The following PAWR variants were observed in gnomAD, a reference collection of about 807,000 sequenced individuals.
PAWR encodes the protein PRKC apoptosis WT1 regulator protein.
Under a neutral mutation model 32.0 loss-of-function variants are expected in PAWR, and 23 were observed. The ratio of observed to expected loss-of-function variants is 0.72; its 90% CI spans 0.52 to 1.02. The LOEUF (loss-of-function observed/expected upper bound fraction) is 1.02. Ranked by LOEUF, PAWR falls within the 50% of genes least tolerant of loss-of-function variation. The pLI, the probability that PAWR is intolerant of heterozygous loss-of-function variation, is 0.00. For synonymous variants in PAWR, 226 were observed against 187.1 expected (o/e 1.21, Z -1.70); for missense variants, 457 against 437.7 (o/e 1.04, Z -0.39).
At chr12:79,626,557 C>T (rs1055210148) in intron 2 of PAWR, among the ~76,000 whole-genome samples, 8 of 151,352 alleles carry the variant, frequency 5.3e-5, no homozygotes, top group African/African-American at 1.2e-4. Context: ...CACGCCCCGC[C>T]GAAATGACAA....
At position 79,586,239 on chromosome 12, in the gene PAWR, A is replaced by C. The variant is rs892678159; in HGVS notation, c.*6368T>G. 4 of 152,612 alleles carry C rather than the reference A, an allele frequency of 2.6e-5. No individual in the cohort carries two copies. The highest frequency in any genetic ancestry group is 9.6e-5 in the African/African-American group (4 of 41,454). 9.5% of individuals were successfully genotyped at this position (152,612 alleles called of 1,614,324 possible). On this transcript the variant is annotated 3_prime_UTR_variant, in exon 7 of 7. Coordinates refer to ENST00000328827, the MANE Select transcript of PAWR (RefSeq NM_002583.4). ...AATGTTTAATGTGTTATGGAAGGCT[A>C]ACAGTTTTTCAACTTTTCTCAATAC...
intron 2 of PAWR, among the ~76,000 whole-genome samples, chr12:79,645,844 G>C (rs1168044512): frequency 1.3e-5 from 2 of 152,186 alleles, no homozygotes; most frequent in Non-Finnish European, 2.9e-5. Flanking sequence ...ACGGTGATTT[G>C]ATTATAGCAA....
At chr12:79,630,291 T>G (rs941160639) in intron 2 of PAWR, among the ~76,000 whole-genome samples, 2 of 143,858 alleles carry the variant, frequency 1.4e-5, no homozygotes, top group African/African-American at 5.9e-5. Flanking sequence ...TGAAAAACTT[T>G]GTGCCACTAA....
At chr12:79,675,384 TATAAAA>T (rs1435225381) in intron 2 of PAWR, among the ~76,000 whole-genome samples, 2 of 152,042 alleles carry the variant, frequency 1.3e-5, no homozygotes, top group East Asian at 3.9e-4. Flanking sequence ...GTCTCTCAAA[TATAAAA>T]ATAAAAATAA....
chr12:79,592,738 G>T, intron 6 of PAWR, 45 bp from the exon 7 acceptor site: 1 of 687,178 alleles, frequency 1.5e-6, no homozygotes, highest in South Asian at 1.6e-5. Context: ...AAAAATATTT[G>T]AGGAGAGATG....
chr12:79,621,537 A>G (rs1875015632), intron 2 of PAWR, among the ~76,000 whole-genome samples: 1 of 152,170 alleles, frequency 6.6e-6, no homozygotes, highest in African/African-American at 2.4e-5. Context: ...GGCATTCTGC[A>G]GAAGGTAACA....
At chr12:79,639,121 C>A (rs1331134064) in intron 2 of PAWR, among the ~76,000 whole-genome samples, 1 of 150,292 alleles carries the variant, frequency 6.7e-6, no homozygotes, top group Non-Finnish European at 1.5e-5. Context: ...CCATGTTGGT[C>A]AGGCTGGTCT....
chr12:79,651,309 T>C (rs1470221534), intron 2 of PAWR, among the ~76,000 whole-genome samples: 4 of 152,028 alleles, frequency 2.6e-5, no homozygotes, highest in African/African-American at 9.7e-5. Flanking sequence ...AGAAAAGAAA[T>C]ACAAACACCT....
intron 3 of PAWR, among the ~76,000 whole-genome samples, chr12:79,614,378 G>A (rs1010031326): frequency 8.6e-5 from 13 of 151,508 alleles, no homozygotes; most frequent in Non-Finnish European, 2.9e-5. Context: ...ACAACTTACC[G>A]TGTGCATATA....
At chr12:79,639,875 T>TATTCCA (rs1876212928) in intron 2 of PAWR, among the ~76,000 whole-genome samples, 1 of 92,382 alleles carries the variant, frequency 1.1e-5, no homozygotes. Flanking sequence ...TTCCTATTCC[T>TATTCCA]ATTCCTATTC....
intron 2 of PAWR, among the ~76,000 whole-genome samples, chr12:79,654,264 G>C (rs1258972243): frequency 6.6e-6 from 1 of 152,118 alleles, no homozygotes; most frequent in Non-Finnish European, 1.5e-5. Context: ...GGGGAGTTAG[G>C]GGAGACATGG....
chr12:79,645,976 T>C (rs565401331), intron 2 of PAWR, among the ~76,000 whole-genome samples: 1 of 152,318 alleles, frequency 6.6e-6, no homozygotes, highest in Admixed American at 6.5e-5. Flanking sequence ...CTGAGCCTCA[T>C]TATCTTCAAC....
intron 2 of PAWR, among the ~76,000 whole-genome samples, chr12:79,639,851 TATTCCTATTCCTATTCC>T (rs1876205230): frequency 1.1e-5 from 1 of 93,218 alleles, no homozygotes; most frequent in Non-Finnish European, 2.1e-5. Context: ...TTCCTATTCC[TATTCCTATTCCTATTCC>T]TATTCCTATT....
At chr12:79,675,964 T>C (rs199877525) in intron 2 of PAWR, among the ~76,000 whole-genome samples, 4 of 151,998 alleles carry the variant, frequency 2.6e-5, no homozygotes, top group South Asian at 2.1e-4. Flanking sequence ...ACTGACCCCA[T>C]TGTGAAGCTG....
chr12:79,666,720 T>C (rs986961838), intron 2 of PAWR, among the ~76,000 whole-genome samples: 3 of 152,218 alleles, frequency 2.0e-5, no homozygotes, highest in African/African-American at 7.2e-5. Flanking sequence ...AAAAATGTTA[T>C]TTATATAAAC....
Position 79,689,992 on chromosome 12 carries a change from C to T in PAWR, c.253G>A (p.Gly85Ser). ...ACCGCGCAGTTCACGCCCCCGGGAC[C>T]GGGGACGGCAGGTGCGGCCGGCGCG... Reference protein sequence around the residue: ...GGAPAAPAVPGPGGVNCAVGS... With the variant: ...GGAPAAPAVPSPGGVNCAVGS... Residue 85 changes from glycine to serine, a missense_variant, in exon 2 of 7, where the codon GGT (glycine) becomes AGT (serine). Gly to Ser is a moderately conservative substitution (Grantham distance 56, BLOSUM62 0). Transcript: ENST00000328827. 6 of 1,313,284 alleles carry T rather than the reference C, an allele frequency of 4.6e-6. No individual in the cohort carries two copies. The highest frequency in any genetic ancestry group is 5.8e-6 in the Non-Finnish European group (6 of 1,037,324). The allele number at this position is 1,313,284 out of a possible 1,614,324, so 81.4% of individuals were successfully genotyped here.
intron 2 of PAWR, among the ~76,000 whole-genome samples, chr12:79,664,216 T>G (rs1039542381): frequency 2.6e-5 from 4 of 152,168 alleles, no homozygotes; most frequent in Non-Finnish European, 4.4e-5. Context: ...GGGTTGAGAC[T>G]GCAACTAGAC....
Position 79,604,525 on chromosome 12 carries a change from T to C in PAWR, c.684-7867A>G, listed in dbSNP as rs1315123523. 3 of 1,169,648 alleles carry C rather than the reference T, an allele frequency of 2.6e-6. No homozygotes were observed. In the African/African-American group the frequency reaches 4.9e-5, roughly 19 times the overall value. The allele number at this position is 1,169,648 out of a possible 1,614,324, so 72.5% of individuals were successfully genotyped here. A position where few individuals can be genotyped will look rare whatever the true frequency, so the allele number is the denominator to read the frequency against. On this transcript the variant is annotated intron_variant, in intron 4 of 6. Coordinates refer to ENST00000328827, the MANE Select transcript of PAWR (RefSeq NM_002583.4). ...TTAGCAATGAGAAGAAATACAAGAC[T>C]CAAGGGTAAATCCTACTTTTAGAAT...
chr12:79,588,776 T>C lies in PAWR; in HGVS notation c.*3831A>G, dbSNP rs1250756367. 1.3e-5 allele frequency: 2 copies of C among 152,068 alleles called. No individual in the cohort carries two copies. Among genetic ancestry groups the C allele is most frequent in the Non-Finnish European group, 2.9e-5 (2 of 67,906 alleles). The allele number at this position is 152,068 out of a possible 1,614,324, so 9.4% of individuals were successfully genotyped here. ...TTTAGTGGGGATAAGGATATGACTT[T>C]AACATGCTATGAGATTCTAGCTAAG... On this transcript the variant is annotated 3_prime_UTR_variant, in exon 7 of 7. Transcript: ENST00000328827.
Sources: gnomAD v4.1 joint callset for allele counts (sites outside exome capture counted in the v4.1 genomes callset) on GRCh38, gnomAD v4.1.1 for gene constraint, MANE v1.5 for transcripts, NCBI Gene and HGNC (gene_info 2026-07-23, HGNC 2026-07-21) for gene names.